The following FHAD1 variants were observed in gnomAD, a reference collection of about 807,000 sequenced individuals.
The protein encoded by FHAD1 is forkhead associated phosphopeptide binding domain 1, also known as forkhead-associated domain-containing protein 1.
In FHAD1, 146 loss-of-function variants were observed where a neutral mutation model predicts 191.3. That is an observed-to-expected ratio of 0.76 (90% CI 0.67 to 0.88). The LOEUF (loss-of-function observed/expected upper bound fraction) is 0.88. FHAD1 is among the 40% of genes least tolerant of loss of function. FHAD1 has a pLI of 0.00. For synonymous variants in FHAD1, 616 were observed against 672.3 expected (o/e 0.92, Z 1.29); for missense variants, 1,635 against 1,785.8 (o/e 0.92, Z 1.52).
intron 28 of FHAD1, among the ~76,000 whole-genome samples, chr1:15,379,220 G>C (rs1358464512): frequency 6.6e-6 from 1 of 152,232 alleles, no homozygotes; most frequent in Non-Finnish European, 1.5e-5. Flanking sequence ...TCTCCGAGAG[G>C]GGGATGTGTC....
downstream of FHAD1, among the ~76,000 whole-genome samples, chr1:15,399,265 A>G (rs1044334252): frequency 6.6e-6 from 1 of 152,218 alleles, no homozygotes; most frequent in Non-Finnish European, 1.5e-5. Flanking sequence ...ACACATGGTT[A>G]GGACCTAAAG....
intron 7 of FHAD1, 34 bp from the exon 8 acceptor site, chr1:15,313,023 C>T (rs1212505155): frequency 2.6e-6 from 4 of 1,549,384 alleles, no homozygotes; most frequent in South Asian, 2.4e-5. Flanking sequence ...ATCCTCACTG[C>T]CTCTTTGACC....
Position 15,380,693 on chromosome 1 carries a change from G to T in FHAD1, c.3706-8G>T, listed in dbSNP as rs2102980729. 2 of 1,550,802 alleles carry T rather than the reference G, an allele frequency of 1.3e-6. No individual in the cohort carries two copies. The highest frequency in any genetic ancestry group is 4.9e-5 in the East Asian group (2 of 40,922). On this transcript the variant is annotated splice_region_variant and splice_polypyrimidine_tract_variant and intron_variant, in intron 28 of 33. Coordinates refer to ENST00000688493, the MANE Select transcript of FHAD1 (RefSeq NM_001391957.1). ...CAAGAGAGGCCTTTCATTTCTTTCT[G>T]ATTTCAGCCTCAGAATGGCCTTTGC... is the stretch of plus-strand genomic sequence containing the variant.
intron 7 of FHAD1, 56 bp from the exon 8 acceptor site, chr1:15,313,001 G>C: frequency 6.5e-7 from 1 of 1,542,498 alleles, no homozygotes; most frequent in East Asian, 2.4e-5. Context: ...GACAGCGGCA[G>C]CGATGACAGT....
chr1:15,303,125 A>T (rs1669345040), intron 6 of FHAD1, among the ~76,000 whole-genome samples: 2 of 152,208 alleles, frequency 1.3e-5, no homozygotes, highest in African/African-American at 2.4e-5. Context: ...GGCAGAGAAC[A>T]AGGTTGACCT....
chr1:15,337,843 G>A (rs572957035), intron 14 of FHAD1, among the ~76,000 whole-genome samples: 24 of 151,970 alleles, frequency 1.6e-4, no homozygotes, highest in Non-Finnish European at 2.9e-4. Context: ...CTCAGACCTC[G>A]AGTCACACCA....
intron 3 of FHAD1, among the ~76,000 whole-genome samples, chr1:15,286,468 C>T (rs1401899336): frequency 6.6e-6 from 1 of 152,232 alleles, no homozygotes; most frequent in Non-Finnish European, 1.5e-5. Flanking sequence ...CACCACTGCA[C>T]TCCAGCCTGG....
chr1:15,377,134 CG>C (rs1160624455), intron 28 of FHAD1, among the ~76,000 whole-genome samples: 1 of 152,040 alleles, frequency 6.6e-6, no homozygotes, highest in African/African-American at 2.4e-5. Flanking sequence ...CAGGACCCGC[CG>C]AGGGCACGTG....
At chr1:15,369,908 G>C (rs1697601113) in intron 26 of FHAD1, among the ~76,000 whole-genome samples, 1 of 152,178 alleles carries the variant, frequency 6.6e-6, no homozygotes, top group Non-Finnish European at 1.5e-5. Flanking sequence ...GGTTGGTTGA[G>C]AAATACATTT....
intron 19 of FHAD1, among the ~76,000 whole-genome samples, chr1:15,352,031 G>A (rs951773604): frequency 2.6e-4 from 39 of 151,750 alleles, no homozygotes; most frequent in African/African-American, 9.0e-4. Context: ...TTTTCTTTTT[G>A]CCAATAATAC....
At chr1:15,314,628 GA>G (rs1447061298) in intron 8 of FHAD1, 6 of 33,984 alleles carry the variant, frequency 1.8e-4, no homozygotes, top group Admixed American at 4.2e-4. Context: ...TGGGTGTGAG[GA>G]TGTATGTGGG....
chr1:15,349,060 G>A lies in FHAD1; in HGVS notation c.2365G>A (p.Ala789Thr), dbSNP rs1418344098. 23 of 1,551,168 alleles carry A rather than the reference G, an allele frequency of 1.5e-5. No individual in the cohort carries two copies. The highest frequency in any genetic ancestry group is 1.8e-5 in the Non-Finnish European group (21 of 1,146,860). Residue 789 changes from alanine (A) to threonine (T), a missense_variant, in exon 19 of 34, where the codon GCC (alanine) becomes ACC (threonine). Physicochemically the swap from Ala to Thr is moderately conservative, Grantham distance 58. Transcript: ENST00000688493. ...RQKEVLESSI[A>T]HEKRKAKEAL... ...TTTTCAGGTTTTGGAGAGCAGCATA[G>A]CCCATGAAAAAAGAAAAGCAAAGGA...
rs1679067594 is a variant in FHAD1 at position 15,327,210 on chromosome 1, C to T, written c.1557+68C>T. ...TTCTTCTTCTTCGTGGATCTGGATTCCAGACCCTGGGAGCATATGTTTCTG... is the reference window on the plus strand; with the variant it reads ...TTCTTCTTCTTCGTGGATCTGGATTTCAGACCCTGGGAGCATATGTTTCTG... On this transcript the variant is annotated intron_variant, in intron 12 of 33. Coordinates refer to ENST00000688493, the MANE Select transcript of FHAD1 (RefSeq NM_001391957.1). This position sits in a 1 kb window ranked among gnomAD's most constrained non-coding sequence, Gnocchi z 5.1. 6 of 1,075,660 alleles carry T rather than the reference C, an allele frequency of 5.6e-6. No homozygotes were observed. In the East Asian group the frequency reaches 1.6e-4, roughly 28 times the overall value. The allele number at this position is 1,075,660 out of a possible 1,614,324, so 66.6% of individuals were successfully genotyped here. A position where few individuals can be genotyped will look rare whatever the true frequency, so the allele number is the denominator to read the frequency against.
chr1:15,365,821 T>C lies in FHAD1; in HGVS notation c.3048-6T>C. Reference sequence around the variant, plus strand: ...AACTGACTTCACCTGTTTTTGTGAATTTCAGAGATGACTTATTGGCTGCTC... The same window carrying C: ...AACTGACTTCACCTGTTTTTGTGAACTTCAGAGATGACTTATTGGCTGCTC... On this transcript the variant is annotated splice_polypyrimidine_tract_variant and splice_region_variant and intron_variant, in intron 23 of 33. Transcript: ENST00000688493. 6.5e-7 allele frequency: 1 copy of C among 1,545,162 alleles called. No homozygotes were observed. Among genetic ancestry groups the C allele is most frequent in the Non-Finnish European group, 8.8e-7 (1 of 1,140,978 alleles).
At chr1:15,284,516 T>C (rs1276740347) in intron 3 of FHAD1, among the ~76,000 whole-genome samples, 2 of 148,340 alleles carry the variant, frequency 1.3e-5, no homozygotes, top group South Asian at 4.3e-4. Context: ...GCAGAAAACA[T>C]GACAGATGCT....
At chr1:15,324,329 A>G in intron 10 of FHAD1, 123 bp from the exon 11 acceptor site, 1 of 756,886 alleles carries the variant, frequency 1.3e-6, no homozygotes, top group South Asian at 1.6e-5. Flanking sequence ...CCCCTGCCAC[A>G]TGGGCTGCAG....
At chr1:15,376,317 C>T (rs994238145) in intron 28 of FHAD1, among the ~76,000 whole-genome samples, 1 of 152,102 alleles carries the variant, frequency 6.6e-6, no homozygotes. Flanking sequence ...GTCTTGATCT[C>T]CTGACCTCAT....
chr1:15,383,148 C>T (rs942079070), intron 31 of FHAD1: 1 of 471,792 alleles, frequency 2.1e-6, no homozygotes, highest in Admixed American at 2.3e-5. Flanking sequence ...CCTTGCTTTC[C>T]TCATTAGTAG....
Position 15,296,728 on chromosome 1 carries a change from G to T in FHAD1, c.613G>T (p.Gly205Trp), listed in dbSNP as rs199916877. 472 of 1,552,000 alleles carry T rather than the reference G, an allele frequency of 3.0e-4. 3 individuals are homozygous for T. The African/African-American group carries it at 5.3e-3, about 17-fold the overall frequency. ...MKLSEKSVAE[G>W]IPGAVPPAEI... ...ACTGTCAGAAAAATCAGTGGCCGAG[G>T]GGATTCCTGGGGCAGTTCCCCCTGC... The change falls in exon 5 of 34, where the codon GGG becomes TGG. Residue 205 changes from glycine to tryptophan, a missense_variant. Gly to Trp is a radical substitution (Grantham distance 184, BLOSUM62 -2). Coordinates refer to ENST00000688493, the MANE Select transcript of FHAD1 (RefSeq NM_001391957.1).
Sources: allele counts gnomAD v4.1 joint callset (sites outside exome capture counted in the v4.1 genomes callset), GRCh38; gene constraint gnomAD v4.1.1; non-coding constraint Gnocchi (gnomAD v3.1); transcripts MANE v1.5; gene names NCBI Gene and HGNC (gene_info 2026-07-23, HGNC 2026-07-21).